The following PLPPR4 variants were observed in gnomAD, a reference collection of about 807,000 sequenced individuals.
The protein encoded by PLPPR4 is phospholipid phosphatase-related protein type 4.
Under a neutral mutation model 56.6 loss-of-function variants are expected in PLPPR4, and 24 were observed. The ratio of observed to expected loss-of-function variants is 0.42; its 90% CI spans 0.31 to 0.60. The LOEUF is 0.60. PLPPR4 is among the 20% of genes least tolerant of loss of function. PLPPR4 has a pLI of 0.13. For synonymous variants in PLPPR4, 326 were observed against 328.1 expected, an observed-to-expected ratio of 0.99 and a Z score of 0.07; for missense variants, 654 against 885.8, an observed-to-expected ratio of 0.74 and a Z score of 3.32.
upstream of PLPPR4, chr1:99,264,299 T>A: frequency 1.5e-6 from 1 of 647,688 alleles, no homozygotes; most frequent in Non-Finnish European, 2.5e-6. Flanking sequence ...GGGGAAGCCA[T>A]TGCAGCAACA....
intron 1 of PLPPR4, among the ~76,000 whole-genome samples, chr1:99,274,748 C>G (rs952166237): frequency 1.1e-4 from 16 of 152,066 alleles, no homozygotes; most frequent in African/African-American, 3.6e-4. Flanking sequence ...CCAGGTAACA[C>G]TCTACTGAAA....
intron 1 of PLPPR4, among the ~76,000 whole-genome samples, chr1:99,276,269 C>T (rs886177535): frequency 3.9e-5 from 6 of 152,094 alleles, no homozygotes; most frequent in South Asian, 2.1e-4. Context: ...TATGCTAGAG[C>T]GTTCTAATCT....
At chr1:99,293,433 A>G (rs1659670833) in intron 2 of PLPPR4, among the ~76,000 whole-genome samples, 1 of 152,184 alleles carries the variant, frequency 6.6e-6, no homozygotes, top group Non-Finnish European at 1.5e-5. Context: ...TTAGAGTGAT[A>G]AAACAAGCAT....
chr1:99,296,508 G>A (rs1383449429), intron 2 of PLPPR4, among the ~76,000 whole-genome samples: 2 of 152,178 alleles, frequency 1.3e-5, no homozygotes, highest in African/African-American at 2.4e-5. Flanking sequence ...TCCAGTACAT[G>A]AGAGTCCAGA....
Position 99,306,605 on chromosome 1 carries a change from C to A in PLPPR4, c.1743C>A (p.Asn581Lys). ...GIVRVEAHPE[N>K]NRPIIQIPST... Reference sequence around the variant, plus strand: ...TGAGGGTTGAGGCTCACCCAGAGAACAACAGGCCCATCATACAGATCCCGT... The same window carrying A: ...TGAGGGTTGAGGCTCACCCAGAGAAAAACAGGCCCATCATACAGATCCCGT... Residue 581 changes from asparagine to lysine, a missense_variant, in exon 7 of 7, where the codon AAC becomes AAA. This residue lies in a region of PLPPR4 where 468 missense variants were observed against 554.3 expected (regional missense o/e 0.84). Transcript: ENST00000370185. This position sits in a 1 kb window ranked among gnomAD's most constrained non-coding sequence, Gnocchi z 4.0. The A allele has an allele frequency of 6.2e-7, 1 of 1,614,094 alleles. No individual in the cohort carries two copies. Among genetic ancestry groups the A allele is most frequent in the Non-Finnish European group, 8.5e-7 (1 of 1,180,012 alleles).
intron 1 of PLPPR4, among the ~76,000 whole-genome samples, chr1:99,273,327 G>A (rs1659104261): frequency 6.6e-6 from 1 of 152,072 alleles, no homozygotes; most frequent in African/African-American, 2.4e-5. Flanking sequence ...AAAGAAAAGG[G>A]GAAAGACGAG....
intron 1 of PLPPR4, among the ~76,000 whole-genome samples, chr1:99,270,316 G>A (rs140166544): frequency 6.6e-6 from 1 of 152,156 alleles, no homozygotes; most frequent in Admixed American, 6.5e-5. Flanking sequence ...ATGAGCCACT[G>A]CACCTGGCCT....
At chr1:99,300,634 C>T (rs144454169) in intron 4 of PLPPR4, among the ~76,000 whole-genome samples, 4 of 152,068 alleles carry the variant, frequency 2.6e-5, no homozygotes, top group African/African-American at 4.8e-5. Flanking sequence ...TTTACTTCAA[C>T]CATCCTTCTA....
intron 6 of PLPPR4, among the ~76,000 whole-genome samples, chr1:99,302,728 T>C (rs905523789): frequency 4.3e-5 from 6 of 140,808 alleles, no homozygotes; most frequent in African/African-American, 1.6e-4. Context: ...TGTGTTCTCA[T>C]TGTTCAATTC....
In PLPPR4 at chr1:99,306,599, A is replaced by G. The variant is rs1660037403; in HGVS notation, c.1737A>G (p.Pro579=). ...PSGIVRVEAH[P]ENNRPIIQIP... Reference sequence around the variant, plus strand: ...GGATAGTGAGGGTTGAGGCTCACCCAGAGAACAACAGGCCCATCATACAGA... The same window carrying G: ...GGATAGTGAGGGTTGAGGCTCACCCGGAGAACAACAGGCCCATCATACAGA... Residue 579 remains proline, a synonymous_variant, in exon 7 of 7, where the codon CCA becomes CCG. Transcript: ENST00000370185. This position sits in a 1 kb window ranked among gnomAD's most constrained non-coding sequence, Gnocchi z 4.0. 1.2e-6 allele frequency: 2 copies of G among 1,614,140 alleles called. No homozygotes were observed. The highest frequency in any genetic ancestry group is 1.7e-6 in the Non-Finnish European group (2 of 1,180,020).
intron 6 of PLPPR4, 102 bp downstream of exon 6, chr1:99,301,999 A>G (rs1163015294): frequency 2.7e-5 from 20 of 747,708 alleles, no homozygotes; most frequent in Non-Finnish European, 3.8e-5. Flanking sequence ...TTTTATATAA[A>G]TGAGAAAATC....
intron 1 of PLPPR4, among the ~76,000 whole-genome samples, chr1:99,279,717 A>G (rs1659277022): frequency 6.6e-6 from 1 of 152,208 alleles, no homozygotes; most frequent in South Asian, 2.1e-4. Flanking sequence ...ACGGCGGTGC[A>G]TGCTTCCAGG....
At chr1:99,291,605 G>T (rs1362245442) in intron 2 of PLPPR4, among the ~76,000 whole-genome samples, 2 of 152,152 alleles carry the variant, frequency 1.3e-5, no homozygotes, top group East Asian at 3.8e-4. Context: ...ATAAAAAAAT[G>T]AAATCATGTC....
intron 1 of PLPPR4, among the ~76,000 whole-genome samples, chr1:99,265,123 T>G (rs1658857676): frequency 6.9e-6 from 1 of 144,274 alleles, no homozygotes; most frequent in Non-Finnish European, 1.5e-5. Flanking sequence ...ACAAATATTG[T>G]TAATTGCTTT....
chr1:99,266,482 T>C (rs768608044), intron 1 of PLPPR4, among the ~76,000 whole-genome samples: 27 of 152,238 alleles, frequency 1.8e-4, no homozygotes, highest in Non-Finnish European at 3.5e-4. Context: ...GCAAGAATTT[T>C]AAAAGTACAA....
At chr1:99,298,220 A>G (rs1659791784) in intron 3 of PLPPR4, among the ~76,000 whole-genome samples, 1 of 152,130 alleles carries the variant, frequency 6.6e-6, no homozygotes, top group African/African-American at 2.4e-5. Context: ...TCAGAATGCA[A>G]GCTGTCAAGT....
rs762341419 is a variant in PLPPR4, at chr1:99,306,647, C to T, written c.1785C>T (p.Gly595=). 5 of 1,614,124 alleles carry T rather than the reference C, an allele frequency of 3.1e-6. No homozygotes were observed. In the South Asian group the frequency reaches 5.5e-5, roughly 18 times the overall value. The part of the protein sequence containing the change: ...IIQIPSTEGE[G]SGSWKWKAPE... ...AGATCCCGTCCACTGAAGGTGAAGG[C>T]AGTGGCTCCTGGAAGTGGAAAGCCC... The change falls in exon 7 of 7, where the codon GGC becomes GGT. Residue 595 remains glycine (G), a synonymous_variant. Transcript: ENST00000370185. The surrounding 1 kb of genome is among the most constrained non-coding windows in gnomAD (Gnocchi z 4.0).
At chr1:99,283,330 G>A (rs2100794335) in intron 1 of PLPPR4, among the ~76,000 whole-genome samples, 1 of 152,228 alleles carries the variant, frequency 6.6e-6, no homozygotes, top group South Asian at 2.1e-4. Flanking sequence ...GTGAAAAGTA[G>A]TTTGTCTTTA....
intron 1 of PLPPR4, among the ~76,000 whole-genome samples, chr1:99,274,658 C>G (rs1000233540): frequency 6.6e-6 from 1 of 151,978 alleles, no homozygotes; most frequent in Non-Finnish European, 1.5e-5. Flanking sequence ...AAATAGAGAC[C>G]ACTTTTTTTC....
Sources: allele counts gnomAD v4.1 joint callset (sites outside exome capture counted in the v4.1 genomes callset), GRCh38; gene constraint gnomAD v4.1.1; regional missense constraint gnomAD v4.1.1; non-coding constraint Gnocchi (gnomAD v3.1); transcripts MANE v1.5; gene names NCBI Gene and HGNC (gene_info 2026-07-23, HGNC 2026-07-21).